Variants in TLK1 observed in about 807,000 individuals in gnomAD.
TLK1 encodes serine/threonine-protein kinase tousled-like 1.
Under a neutral mutation model 105.3 loss-of-function variants are expected in TLK1, and 24 were observed. That is an observed-to-expected ratio of 0.23 (90% CI 0.17 to 0.32). The LOEUF (loss-of-function observed/expected upper bound fraction) is 0.32. TLK1 is among the 10% of genes least tolerant of loss of function. TLK1 has a pLI of 1.00. For synonymous variants in TLK1, 321 were observed against 310.4 expected, an observed-to-expected ratio of 1.03 and a Z score of -0.36; for missense variants, 558 against 910.5, an observed-to-expected ratio of 0.61 and a Z score of 4.98.
intron 11 of TLK1, chr2:171,045,636 G>C (rs1302768568): frequency 6.6e-6 from 1 of 151,962 alleles, no homozygotes; most frequent in Non-Finnish European, 1.5e-5. Context: ...TGGGATCATG[G>C]TCTATATTAT....
intron 1 of TLK1, among the ~76,000 whole-genome samples, chr2:171,203,865 C>A (rs968419352): frequency 6.6e-6 from 1 of 152,104 alleles, no homozygotes; most frequent in Admixed American, 6.5e-5. Flanking sequence ...GCCTGGCCAA[C>A]ATGGCGAAAC....
chr2:171,125,659 T>A (rs1276465754), intron 1 of TLK1, among the ~76,000 whole-genome samples: 1 of 152,174 alleles, frequency 6.6e-6, no homozygotes, highest in Non-Finnish European at 1.5e-5. Flanking sequence ...GCAGCTGTGT[T>A]CCAATAAGAC....
chr2:171,035,985 A>C (rs1296221487), intron 11 of TLK1, among the ~76,000 whole-genome samples: 1 of 152,206 alleles, frequency 6.6e-6, no homozygotes, highest in South Asian at 2.1e-4. Context: ...CGGTAAGGTA[A>C]TATTTGTGTT....
At chr2:171,095,442 C>G (rs1228732941) in intron 2 of TLK1, among the ~76,000 whole-genome samples, 1 of 152,112 alleles carries the variant, frequency 6.6e-6, no homozygotes, top group Non-Finnish European at 1.5e-5. Flanking sequence ...CTCGTTATTA[C>G]TGACTTACAG....
chr2:171,030,299 C>T (rs959112139), intron 11 of TLK1, among the ~76,000 whole-genome samples: 4 of 126,650 alleles, frequency 3.2e-5, no homozygotes, highest in Non-Finnish European at 7.0e-5. Context: ...ATTCCACCCG[C>T]AACATCTTAA....
intron 1 of TLK1, among the ~76,000 whole-genome samples, chr2:171,228,850 A>G (rs1039487073): frequency 1.3e-5 from 2 of 152,238 alleles, no homozygotes; most frequent in African/African-American, 4.8e-5. Flanking sequence ...AATTAAAAAA[A>G]AAATTCTGTG....
intron 1 of TLK1, among the ~76,000 whole-genome samples, chr2:171,177,739 G>A (rs1183187714): frequency 1.3e-5 from 2 of 152,176 alleles, no homozygotes; most frequent in East Asian, 1.9e-4. Context: ...CAAGACTATA[G>A]TGCATTTTTG....
chr2:171,224,151 A>T (rs1274197780), intron 1 of TLK1, among the ~76,000 whole-genome samples: 2 of 152,110 alleles, frequency 1.3e-5, no homozygotes, highest in Non-Finnish European at 2.9e-5. Flanking sequence ...ACTTGGTTTC[A>T]TTCTTCCACA....
intron 1 of TLK1, among the ~76,000 whole-genome samples, chr2:171,181,263 G>A (rs1050073723): frequency 3.3e-5 from 5 of 152,194 alleles, no homozygotes; most frequent in Admixed American, 6.5e-5. Context: ...TCTTAACTTC[G>A]ATTGGTATGA....
chr2:171,203,860 G>A (rs1693448332), intron 1 of TLK1, among the ~76,000 whole-genome samples: 2 of 152,072 alleles, frequency 1.3e-5, no homozygotes, highest in Admixed American at 1.3e-4. Flanking sequence ...GACCAGCCTG[G>A]CCAACATGGC....
intron 2 of TLK1, among the ~76,000 whole-genome samples, chr2:171,106,451 T>C (rs2105512789): frequency 6.6e-6 from 1 of 152,310 alleles, no homozygotes; most frequent in Non-Finnish European, 1.5e-5. Flanking sequence ...CTGTACTCCA[T>C]AAATATGTAC....
At chr2:171,121,968 G>A (rs1238510425) in intron 1 of TLK1, among the ~76,000 whole-genome samples, 1 of 151,974 alleles carries the variant, frequency 6.6e-6, no homozygotes, top group Non-Finnish European at 1.5e-5. Flanking sequence ...TGTTTTTTGA[G>A]ACGCAGTCTC....
At chr2:171,080,727 A>C (rs1481898249) in intron 3 of TLK1, among the ~76,000 whole-genome samples, 2 of 151,608 alleles carry the variant, frequency 1.3e-5, no homozygotes, top group Non-Finnish European at 2.9e-5. Context: ...TTTTTTCTTA[A>C]GACAGGGTCT....
At chr2:171,032,723 C>T (rs1030538985) in intron 11 of TLK1, among the ~76,000 whole-genome samples, 10 of 152,176 alleles carry the variant, frequency 6.6e-5, no homozygotes, top group Admixed American at 2.6e-4. Context: ...CAAAAATCTA[C>T]GGCCAGTTGA....
Position 171,160,217 on chromosome 2 carries a change from C to T in TLK1, c.139+73G>A, listed in dbSNP as rs1038797674. 6.3e-6 allele frequency: 6 copies of T among 958,864 alleles called. No homozygotes were observed. The highest frequency in any genetic ancestry group is 3.3e-5 in the South Asian group (1 of 30,474). 59.4% of individuals were successfully genotyped at this position (958,864 alleles called of 1,614,324 possible). On this transcript the variant is annotated intron_variant, in intron 1 of 20. Coordinates refer to ENST00000431350, the MANE Select transcript of TLK1 (RefSeq NM_012290.5). The surrounding 1 kb of genome is among the most constrained non-coding windows in gnomAD (Gnocchi z 4.4). ...CGGAGAAGCCCCGGGGCGGGGGGGGCGGGGGGGGGGCGCGGGGGTCCGCGG... is the reference window on the plus strand; with the variant it reads ...CGGAGAAGCCCCGGGGCGGGGGGGGTGGGGGGGGGGCGCGGGGGTCCGCGG...
At chr2:171,139,159 G>C (rs557217515) in intron 1 of TLK1, among the ~76,000 whole-genome samples, 2 of 151,960 alleles carry the variant, frequency 1.3e-5, no homozygotes, top group East Asian at 3.8e-4. Flanking sequence ...AAAGGAATAG[G>C]ATATATATAT....
intron 1 of TLK1, among the ~76,000 whole-genome samples, chr2:171,227,598 T>TTTTC (rs1693926116): frequency 9.6e-6 from 1 of 104,152 alleles, no homozygotes; most frequent in South Asian, 3.3e-4. Flanking sequence ...TTTTTTTTTT[T>TTTTC]GTTTAAGCCA....
At chr2:171,073,297 A>C (rs1445158122) in intron 3 of TLK1, among the ~76,000 whole-genome samples, 1 of 152,148 alleles carries the variant, frequency 6.6e-6, no homozygotes, top group Non-Finnish European at 1.5e-5. Flanking sequence ...TCCCTTAGAA[A>C]TTTCTTGCTG....
At chr2:171,012,645 AT>A (rs1395039968) in intron 13 of TLK1, among the ~76,000 whole-genome samples, 18 of 151,962 alleles carry the variant, frequency 1.2e-4, no homozygotes, top group Admixed American at 1.2e-3. Flanking sequence ...CGCCCAGCTA[AT>A]TTTTGTATTT....
Sources: allele counts gnomAD v4.1 joint callset (sites outside exome capture counted in the v4.1 genomes callset), GRCh38; gene constraint gnomAD v4.1.1; non-coding constraint Gnocchi (gnomAD v3.1); transcripts MANE v1.5; gene names NCBI Gene and HGNC (gene_info 2026-07-23, HGNC 2026-07-21).